Variants in SCIN observed in about 807,000 individuals in gnomAD.
SCIN encodes adseverin.
In SCIN, 91 loss-of-function variants were observed where a neutral mutation model predicts 91.8. The ratio of observed to expected loss-of-function variants is 0.99; its 90% CI spans 0.84 to 1.18. The LOEUF (loss-of-function observed/expected upper bound fraction) is 1.18. Among genes scored for constraint, SCIN ranks in the 50% most tolerant of loss-of-function variants. SCIN has a pLI of 0.00. For missense variants in SCIN, 1,087 were observed against 863.9 expected (o/e 1.26, Z -3.24); for synonymous variants, 367 against 312.6 (o/e 1.17, Z -1.84).
Position 12,626,653 on chromosome 7 carries a change from G to T in SCIN, c.1051G>T (p.Asp351Tyr). The T allele has an allele frequency of 6.4e-7, 1 of 1,557,640 alleles. No homozygotes were observed. Among genetic ancestry groups the T allele is most frequent in the East Asian group, 2.4e-5 (1 of 41,570 alleles). The change falls in exon 8 of 16, where the codon GAT becomes TAT. Residue 351 changes from aspartate (D) to tyrosine (Y), a missense_variant. Transcript: ENST00000297029. Reference sequence around the variant, plus strand: ...GTTTTTTAAGGACTGGAGAGATAAAGATCAGAGTGATGGCTTCGGGAAAGT... The same window carrying T: ...GTTTTTTAAGGACTGGAGAGATAAATATCAGAGTGATGGCTTCGGGAAAGT... ...KQFFKDWRDK[D>Y]QSDGFGKVYV...
Position 12,656,473 on chromosome 7 carries a change from C to G in SCIN, c.*3758C>G, listed in dbSNP as rs184734174. 5 of 152,184 alleles carry G rather than the reference C, an allele frequency of 3.3e-5. No individual in the cohort carries two copies. In the East Asian group the frequency reaches 9.6e-4, roughly 29 times the overall value. The allele number at this position is 152,184 out of a possible 1,614,324, so 9.4% of individuals were successfully genotyped here. On this transcript the variant is annotated 3_prime_UTR_variant, in exon 16 of 16. Transcript: ENST00000297029. The stretch of plus-strand genomic sequence containing the variant: ...TTAAACATTTATTTTAAACCTAATT[C>G]ATTTGAACTGAACTTGAATTTAAAA...
intron 15 of SCIN, 147 bp from the exon 16 acceptor site, chr7:12,652,441 G>T (rs139293365): frequency 1.4e-6 from 1 of 707,732 alleles, no homozygotes; most frequent in Non-Finnish European, 2.2e-6. Context: ...AATTGTATTC[G>T]AAGAATTTTC....
intron 13 of SCIN, among the ~76,000 whole-genome samples, chr7:12,648,995 A>G (rs957047316): frequency 3.3e-5 from 5 of 152,150 alleles, no homozygotes; most frequent in African/African-American, 1.2e-4. Flanking sequence ...ACTGACAGTG[A>G]TTTGATTGGT....
intron 9 of SCIN, among the ~76,000 whole-genome samples, chr7:12,630,530 G>T (rs1191120486): frequency 6.6e-6 from 1 of 152,092 alleles, no homozygotes; most frequent in African/African-American, 2.4e-5. Flanking sequence ...CCACCACATC[G>T]GTGTGAACCA....
intron 4 of SCIN, among the ~76,000 whole-genome samples, chr7:12,617,158 G>T (rs529086599): frequency 1.3e-5 from 2 of 152,090 alleles, no homozygotes; most frequent in African/African-American, 4.8e-5. Flanking sequence ...AAGACAGAAA[G>T]AGTAATGCTT....
intron 13 of SCIN, among the ~76,000 whole-genome samples, chr7:12,646,715 A>AT (rs1467357333): frequency 6.6e-6 from 1 of 152,182 alleles, no homozygotes; most frequent in African/African-American, 2.4e-5. Flanking sequence ...TGATCCACAG[A>AT]TTTTGGTCAA....
At chr7:12,623,627 A>G (rs1033070961) in intron 5 of SCIN, among the ~76,000 whole-genome samples, 14 of 152,154 alleles carry the variant, frequency 9.2e-5, no homozygotes. Context: ...CTCCCCTTGC[A>G]ACTTTCTAAG....
At chr7:12,597,212 T>A (rs142063516) in intron 3 of SCIN, among the ~76,000 whole-genome samples, 65 of 152,332 alleles carry the variant, frequency 4.3e-4, no homozygotes, top group African/African-American at 1.5e-3. Context: ...CGTGGAGTTA[T>A]CTCACAAATC....
chr7:12,606,366 A>G (rs948441804), intron 4 of SCIN, among the ~76,000 whole-genome samples: 3 of 152,198 alleles, frequency 2.0e-5, no homozygotes, highest in Non-Finnish European at 2.9e-5. Flanking sequence ...TATCTCATAA[A>G]CATTTTTAAT....
At chr7:12,615,119 A>T (rs533671315) in intron 4 of SCIN, among the ~76,000 whole-genome samples, 1 of 152,336 alleles carries the variant, frequency 6.6e-6, no homozygotes, top group Non-Finnish European at 1.5e-5. Context: ...ACTGCTGTGA[A>T]GTTATTTTAT....
At chr7:12,625,654 A>G in intron 6 of SCIN, 108 bp from the exon 7 acceptor site, 2 of 859,318 alleles carry the variant, frequency 2.3e-6, no homozygotes, top group Non-Finnish European at 3.6e-6. Flanking sequence ...TCACTGCTGT[A>G]TTTAACTTCA....
At chr7:12,604,692 G>T in intron 4 of SCIN, 29 bp downstream of exon 4, 1 of 1,540,540 alleles carries the variant, frequency 6.5e-7, no homozygotes, top group South Asian at 1.2e-5. Context: ...TTTGTTAAAG[G>T]GTTACCACTC....
chr7:12,578,105 T>G lies in SCIN; in HGVS notation c.241T>G (p.Phe81Val), dbSNP rs189161477. The change falls in exon 2 of 16, where the codon TTC (phenylalanine) becomes GTC (valine). Residue 81 changes from phenylalanine to valine, a missense_variant. Physicochemically the swap from Phe to Val is conservative, Grantham distance 50. Transcript: ENST00000297029. ...GGATGAAAGCACAGCTGCTGCCATC[T>G]TCACTGTTCAGATGGATGACTATTT... ...SQDESTAAAI[F>V]TVQMDDYLGG... 159 of 1,548,300 alleles carry G rather than the reference T, an allele frequency of 1.0e-4. No individual in the cohort carries two copies. The Middle Eastern group carries it at 1.3e-3, about 13-fold the overall frequency.
intron 4 of SCIN, among the ~76,000 whole-genome samples, chr7:12,620,760 A>G (rs1037115812): frequency 1.3e-5 from 2 of 152,166 alleles, no homozygotes; most frequent in Non-Finnish European, 2.9e-5. Flanking sequence ...CAAATGGAGA[A>G]TTGAGAGTGG....
chr7:12,618,500 A>G (rs1783341852), intron 4 of SCIN, among the ~76,000 whole-genome samples: 2 of 152,180 alleles, frequency 1.3e-5, no homozygotes, highest in Admixed American at 1.3e-4. Flanking sequence ...GAATAAAGGA[A>G]TAAAGGTATT....
intron 9 of SCIN, among the ~76,000 whole-genome samples, chr7:12,631,636 G>A (rs1783645238): frequency 1.3e-5 from 2 of 152,172 alleles, no homozygotes; most frequent in South Asian, 4.1e-4. Flanking sequence ...ACTGTGTGAT[G>A]ACCTGCACTG....
chr7:12,609,061 C>T (rs1783138989), intron 4 of SCIN, among the ~76,000 whole-genome samples: 1 of 152,116 alleles, frequency 6.6e-6, no homozygotes, highest in African/African-American at 2.4e-5. Context: ...ACAGTATTTT[C>T]ACACAGTTTT....
intron 6 of SCIN, 36 bp downstream of exon 6, chr7:12,625,178 T>A: frequency 6.4e-6 from 10 of 1,563,796 alleles, no homozygotes; most frequent in Non-Finnish European, 8.7e-6. Context: ...TATTTCAGAT[T>A]TATAGATATT....
chr7:12,590,899 CTG>C (rs1782707774), intron 3 of SCIN, among the ~76,000 whole-genome samples: 1 of 152,066 alleles, frequency 6.6e-6, no homozygotes, highest in African/African-American at 2.4e-5. Context: ...TATTTGGAGT[CTG>C]TATAAATGTT....
Sources: gnomAD v4.1 joint callset for allele counts (sites outside exome capture counted in the v4.1 genomes callset) on GRCh38, gnomAD v4.1.1 for gene constraint, MANE v1.5 for transcripts, NCBI Gene and HGNC (gene_info 2026-07-23, HGNC 2026-07-21) for gene names.